Variants in RANBP2 observed in about 807,000 individuals in gnomAD.
The protein encoded by RANBP2 is E3 SUMO-protein ligase RanBP2.
Under a neutral mutation model 303.6 loss-of-function variants are expected in RANBP2, and 57 were observed. The observed-to-expected ratio is 0.19, with a 90% CI of 0.15 to 0.23. The LOEUF is 0.23. Among genes scored for constraint, RANBP2 ranks in the 10% least tolerant of loss-of-function variants. The pLI is 1.00. For missense variants in RANBP2, 3,138 were observed against 3,780.8 expected (o/e 0.83, Z 4.46); for synonymous variants, 1,167 against 1,301.5 (o/e 0.90, Z 2.23).
chr2:109,475,040 C>T, the RANBP2 span, among the ~76,000 whole-genome samples: 7 of 152,184 alleles, frequency 4.6e-5, no homozygotes, highest in African/African-American at 9.6e-5. Flanking sequence ...TGCAGTGGTG[C>T]GATCTCTGCT....
the RANBP2 span, among the ~76,000 whole-genome samples, chr2:109,383,101 G>A: frequency 2.0e-5 from 3 of 152,180 alleles, no homozygotes; most frequent in African/African-American, 7.2e-5. Flanking sequence ...CCCTGGCTCC[G>A]AGGCACTTGT....
At chr2:108,844,430 T>C in the RANBP2 span, among the ~76,000 whole-genome samples, 3 of 152,158 alleles carry the variant, frequency 2.0e-5, no homozygotes, top group Admixed American at 1.3e-4. Context: ...GGTAAGACTT[T>C]CTGTGTCTTC....
At chr2:108,721,050 A>AT (rs1206624180) in intron 1 of RANBP2, among the ~76,000 whole-genome samples, 1 of 151,262 alleles carries the variant, frequency 6.6e-6, no homozygotes, top group Non-Finnish European at 1.5e-5. Flanking sequence ...CTCCAAAAAA[A>AT]CAAAAACAAA....
At chr2:109,129,619 C>T in the RANBP2 span, 3 of 1,490,202 alleles carry the variant, frequency 2.0e-6, no homozygotes, top group South Asian at 3.9e-5. Flanking sequence ...CGAGGACAGG[C>T]CAGGCGAGCG....
the RANBP2 span, among the ~76,000 whole-genome samples, chr2:108,921,640 C>T: frequency 7.2e-5 from 11 of 152,196 alleles, no homozygotes; most frequent in Non-Finnish European, 1.3e-4. Context: ...CTAGCTCCGA[C>T]GTTTTTGCTG....
the RANBP2 span, among the ~76,000 whole-genome samples, chr2:109,507,101 G>T: frequency 6.6e-6 from 1 of 152,192 alleles, no homozygotes; most frequent in South Asian, 2.1e-4. Context: ...AGAATGGCCT[G>T]GGCAAAACGC....
the RANBP2 span, among the ~76,000 whole-genome samples, chr2:109,592,634 G>T: frequency 6.6e-6 from 1 of 151,334 alleles, no homozygotes; most frequent in Non-Finnish European, 1.5e-5. Flanking sequence ...AAAAAAGTTA[G>T]CCGGACGTGG....
chr2:109,434,932 T>C, the RANBP2 span, among the ~76,000 whole-genome samples: 1 of 152,202 alleles, frequency 6.6e-6, no homozygotes, highest in Non-Finnish European at 1.5e-5. Context: ...AGGGAGTTTG[T>C]TATGGGAAGA....
the RANBP2 span, among the ~76,000 whole-genome samples, chr2:108,886,518 C>T: frequency 2.6e-5 from 4 of 152,070 alleles, no homozygotes; most frequent in African/African-American, 4.8e-5. Flanking sequence ...GGGTTCACGC[C>T]GTTCTCCTGC....
At chr2:108,978,259 C>T in the RANBP2 span, among the ~76,000 whole-genome samples, 20 of 152,226 alleles carry the variant, frequency 1.3e-4, no homozygotes, top group East Asian at 3.5e-3. Flanking sequence ...CCAGGCAGGG[C>T]GTGGAAGTGT....
chr2:109,479,801 A>G, the RANBP2 span, among the ~76,000 whole-genome samples: 2 of 152,212 alleles, frequency 1.3e-5, no homozygotes, highest in Non-Finnish European at 2.9e-5. Flanking sequence ...CGGGTTTCGC[A>G]GACCCCCAAA....
chr2:108,812,932 G>T, the RANBP2 span: 1 of 1,612,630 alleles, frequency 6.2e-7, no homozygotes, highest in Admixed American at 1.7e-5. Context: ...TACAAGGTAA[G>T]TTTGAATTAT....
chr2:109,014,231 G>A, the RANBP2 span, among the ~76,000 whole-genome samples: 3 of 152,212 alleles, frequency 2.0e-5, no homozygotes, highest in Admixed American at 1.3e-4. Context: ...CATTACTTTA[G>A]GAAAATGGAG....
At chr2:108,941,198 CT>C in the RANBP2 span, among the ~76,000 whole-genome samples, 210 of 152,320 alleles carry the variant, frequency 1.4e-3, no homozygotes, top group African/African-American at 4.7e-3. Flanking sequence ...TCGTATTCCA[CT>C]GCATTCGTAA....
At chr2:109,630,467 C>A in the RANBP2 span, among the ~76,000 whole-genome samples, 1 of 152,242 alleles carries the variant, frequency 6.6e-6, no homozygotes, top group Non-Finnish European at 1.5e-5. Context: ...CAATCCTATA[C>A]TGTCCATTCT....
At chr2:109,567,926 T>C in the RANBP2 span, 3 of 1,613,848 alleles carry the variant, frequency 1.9e-6, no homozygotes, top group Non-Finnish European at 2.5e-6. Flanking sequence ...ACTTCTGTAA[T>C]TCAGTTTTAG....
the RANBP2 span, among the ~76,000 whole-genome samples, chr2:109,008,712 C>T: frequency 6.6e-6 from 1 of 151,480 alleles, no homozygotes; most frequent in Non-Finnish European, 1.5e-5. Flanking sequence ...ACCATCCTGG[C>T]TAACACAGTG....
chr2:109,707,087 AT>A, the RANBP2 span, among the ~76,000 whole-genome samples: 1 of 152,198 alleles, frequency 6.6e-6, no homozygotes, highest in Non-Finnish European at 1.5e-5. Flanking sequence ...AATTGCTGGG[AT>A]TTTAGCATTT....
chr2:108,923,497 C>G, the RANBP2 span: 5 of 1,583,438 alleles, frequency 3.2e-6, no homozygotes, highest in Non-Finnish European at 4.3e-6. Context: ...GTGAGCTGGA[C>G]AGCACACAGG....
Sources: gnomAD v4.1 joint callset for allele counts (sites outside exome capture counted in the v4.1 genomes callset) on GRCh38, gnomAD v4.1.1 for gene constraint, MANE v1.5 for transcripts, NCBI Gene and HGNC (gene_info 2026-07-23, HGNC 2026-07-21) for gene names.